The following TBX15 variants were observed in gnomAD, a reference collection of about 807,000 sequenced individuals.
The protein encoded by TBX15 is T-box transcription factor 15, also known as T-box transcription factor TBX15.
Under a neutral mutation model 53.9 loss-of-function variants are expected in TBX15, and 18 were observed. The ratio of observed to expected loss-of-function variants is 0.33; its 90% CI spans 0.23 to 0.49. The LOEUF is 0.49. TBX15 is among the 20% of genes least tolerant of loss of function. The pLI, the probability that TBX15 is intolerant of heterozygous loss-of-function variation, is 0.98. For synonymous variants in TBX15, 295 were observed against 278.0 expected (o/e 1.06, Z -0.61); for missense variants, 692 against 749.5 (o/e 0.92, Z 0.90).
Position 118,885,456 on chromosome 1 carries a change from G to T in TBX15, c.1085C>A (p.Ser362Tyr). Residue 362 changes from serine to tyrosine, a missense_variant, in exon 8 of 8, where the codon TCT (serine) becomes TAT (tyrosine). This residue lies in a region of TBX15 where 375 missense variants were observed against 371.6 expected (regional missense o/e 1.01). Coordinates refer to ENST00000369429, the MANE Select transcript of TBX15 (RefSeq NM_001330677.2). Reference protein sequence around the residue: ...SSTGTPSPSASSHLLSPSCSP... With the variant: ...SSTGTPSPSAYSHLLSPSCSP... ...ACAGGATGGAGATAAAAGATGAGAAGAAGCCGAAGGGGATGGTGTCCCAGT... is the reference window on the plus strand; with the variant it reads ...ACAGGATGGAGATAAAAGATGAGAATAAGCCGAAGGGGATGGTGTCCCAGT... The T allele has an allele frequency of 6.2e-7, 1 of 1,609,096 alleles. No individual in the cohort carries two copies. The highest frequency in any genetic ancestry group is 8.5e-7 in the Non-Finnish European group (1 of 1,177,390).
chr1:118,915,519 C>A (rs114890532), intron 5 of TBX15, among the ~76,000 whole-genome samples: 1 of 152,154 alleles, frequency 6.6e-6, no homozygotes, highest in Non-Finnish European at 1.5e-5. Flanking sequence ...GCAGCACCAA[C>A]AATGTAGCAA....
At chr1:118,923,335 T>A in intron 5 of TBX15, 101 bp downstream of exon 5, 2 of 1,441,120 alleles carry the variant, frequency 1.4e-6, no homozygotes, top group Non-Finnish European at 1.9e-6. Flanking sequence ...TAAGGGTTGT[T>A]GTATGTCAAA....
intron 6 of TBX15, among the ~76,000 whole-genome samples, chr1:118,911,994 G>A (rs1339056762): frequency 2.0e-5 from 3 of 152,202 alleles, no homozygotes; most frequent in Non-Finnish European, 4.4e-5. Context: ...TGCCTTTGCA[G>A]TGCAGACAAT....
chr1:118,972,438 A>T (rs34072728), intron 1 of TBX15, among the ~76,000 whole-genome samples: 1 of 152,144 alleles, frequency 6.6e-6, no homozygotes, highest in Non-Finnish European at 1.5e-5. Context: ...AAAAAGCAGG[A>T]GGAACGGTGC....
chr1:118,903,775 C>T (rs1336124681), intron 6 of TBX15, among the ~76,000 whole-genome samples: 1 of 152,142 alleles, frequency 6.6e-6, no homozygotes, highest in Non-Finnish European at 1.5e-5. Context: ...GACACAGGGT[C>T]TCTACCCTTT....
In TBX15 at chr1:118,924,830, G is replaced by A; in HGVS notation, c.522-13C>T. The A allele has an allele frequency of 1.2e-6, 2 of 1,613,872 alleles. No individual in the cohort carries two copies. The highest frequency in any genetic ancestry group is 1.7e-6 in the Non-Finnish European group (2 of 1,179,898). On this transcript the variant is annotated splice_polypyrimidine_tract_variant and intron_variant, in intron 3 of 7. Transcript: ENST00000369429. The stretch of plus-strand genomic sequence containing the variant: ...ATGATACACATATCTGAGATAAAGA[G>A]GAAGAGAGGAAAATTCAGAGACAGA...
chr1:118,903,865 G>T (rs1450463834), intron 6 of TBX15, among the ~76,000 whole-genome samples: 1 of 152,144 alleles, frequency 6.6e-6, no homozygotes, highest in Non-Finnish European at 1.5e-5. Flanking sequence ...TACACTGAAG[G>T]CATGTATGCC....
chr1:118,977,552 G>C (rs910764179), intron 1 of TBX15, among the ~76,000 whole-genome samples: 3 of 151,978 alleles, frequency 2.0e-5, no homozygotes, highest in African/African-American at 7.2e-5. Context: ...GATTGCAGAA[G>C]TCTGCACAGG....
At chr1:118,937,247 T>C (rs777009519) in intron 1 of TBX15, among the ~76,000 whole-genome samples, 11 of 152,156 alleles carry the variant, frequency 7.2e-5, no homozygotes, top group African/African-American at 2.2e-4. Context: ...GTTTAGATTA[T>C]GTAAAGGTAG....
intron 5 of TBX15, among the ~76,000 whole-genome samples, chr1:118,919,908 CAAAAT>C (rs1158110508): frequency 1.3e-5 from 2 of 152,006 alleles, no homozygotes; most frequent in Non-Finnish European, 2.9e-5. Context: ...GTAGGAAAGA[CAAAAT>C]AAAATAGTCT....
Position 118,893,309 on chromosome 1 carries a change from GGAAGGAAA to G in TBX15, c.1024+5711_1024+5718del, listed in dbSNP as rs1246307100. Reference sequence around the variant, plus strand: ...AGGAAGGAAGGAAGGAAGGAAGGAAGGAAGGAAAGAAAGAAAGAAGAAAGAAGGAAGGA... The same window carrying G: ...AGGAAGGAAGGAAGGAAGGAAGGAAGGAAAGAAAGAAGAAAGAAGGAAGGA... On this transcript the variant is annotated intron_variant, in intron 7 of 7. Coordinates refer to ENST00000369429, the MANE Select transcript of TBX15 (RefSeq NM_001330677.2). Among the ~76,000 whole-genome samples the G allele has an allele frequency of 9.5e-5, 10 of 104,860 alleles. 1 individual carries two copies. The South Asian group carries it at 1.3e-3, about 14-fold the overall frequency. The allele number at this position is 104,860 out of a possible 152,430, so 68.8% of individuals were successfully genotyped here.
chr1:118,907,294 G>A (rs912503334), intron 6 of TBX15, among the ~76,000 whole-genome samples: 15 of 152,188 alleles, frequency 9.9e-5, no homozygotes, highest in African/African-American at 3.6e-4. Flanking sequence ...TCCGTCAGAG[G>A]AAATCCCAGA....
intron 1 of TBX15, among the ~76,000 whole-genome samples, chr1:118,975,937 G>C (rs117559752): frequency 6.6e-6 from 1 of 152,324 alleles, no homozygotes; most frequent in East Asian, 1.9e-4. Context: ...CAGGACCTCA[G>C]CACTTCTTCT....
intron 5 of TBX15, among the ~76,000 whole-genome samples, chr1:118,918,776 G>A (rs574486269): frequency 1.3e-5 from 2 of 152,204 alleles, no homozygotes; most frequent in South Asian, 2.1e-4. Context: ...AATAAATGAG[G>A]TATACTTCAC....
At chr1:118,970,308 A>G (rs1159955963) in intron 1 of TBX15, among the ~76,000 whole-genome samples, 2 of 152,184 alleles carry the variant, frequency 1.3e-5, no homozygotes, top group African/African-American at 4.8e-5. Flanking sequence ...GAATATAACA[A>G]TGGCTTGGAA....
Position 118,926,387 on chromosome 1 carries a change from A to C in TBX15, c.521+123T>G. On this transcript the variant is annotated intron_variant, in intron 3 of 7. Transcript: ENST00000369429. Reference sequence around the variant, plus strand: ...TGGTGCTCTGCCACAGGCCATTGACATAGTCTCCATTCCTTGTTCTCTGTA... The same window carrying C: ...TGGTGCTCTGCCACAGGCCATTGACCTAGTCTCCATTCCTTGTTCTCTGTA... 5 of 888,016 alleles carry C rather than the reference A, an allele frequency of 5.6e-6. No homozygotes were observed. The South Asian group carries it at 7.1e-5, about 13-fold the overall frequency. 55.0% of individuals were successfully genotyped at this position (888,016 alleles called of 1,614,324 possible).
rs1655534739 is a variant in TBX15, at chr1:118,924,628, T to C, written c.693+18A>G. On this transcript the variant is annotated intron_variant, in intron 4 of 7. Coordinates refer to ENST00000369429, the MANE Select transcript of TBX15 (RefSeq NM_001330677.2). ...GAGGAAGAGAGAAAGAAAGGGGAGATAGGATTCTTTGACTCACATGTCCTT... is the reference window on the plus strand; with the variant it reads ...GAGGAAGAGAGAAAGAAAGGGGAGACAGGATTCTTTGACTCACATGTCCTT... The C allele has an allele frequency of 1.2e-6, 2 of 1,613,780 alleles. No individual in the cohort carries two copies. The highest frequency in any genetic ancestry group is 1.7e-6 in the Non-Finnish European group (2 of 1,179,772).
intron 1 of TBX15, among the ~76,000 whole-genome samples, chr1:118,972,247 T>A (rs1191521180): frequency 6.6e-6 from 1 of 152,214 alleles, no homozygotes; most frequent in African/African-American, 2.4e-5. Flanking sequence ...TACCCAAACA[T>A]ATGAGCTCTG....
At chr1:118,924,573 G>C in intron 4 of TBX15, 73 bp downstream of exon 4, 1 of 1,579,254 alleles carries the variant, frequency 6.3e-7, no homozygotes, top group Non-Finnish European at 8.7e-7. Context: ...ATTTGAAAAA[G>C]ACTGGGGCTA....
Sources: gnomAD v4.1 joint callset for allele counts (sites outside exome capture counted in the v4.1 genomes callset) on GRCh38, gnomAD v4.1.1 for gene constraint, gnomAD v4.1.1 regional missense constraint, MANE v1.5 for transcripts, NCBI Gene and HGNC (gene_info 2026-07-23, HGNC 2026-07-21) for gene names.